Variants in PPARG observed in about 807,000 individuals in gnomAD.
The protein encoded by PPARG is peroxisome proliferator-activated receptor gamma.
PPARG carries 17 observed loss-of-function variants against 39.2 expected under a neutral mutation model. The observed-to-expected ratio is 0.43, with a 90% CI of 0.30 to 0.65. PPARG has a LOEUF of 0.65. Ranked by LOEUF, PPARG falls within the 30% of genes least tolerant of loss-of-function variation. The probability of loss-of-function intolerance (pLI) is 0.13; values close to 1 mark genes in which losing one functional copy is unlikely to be tolerated. For missense variants in PPARG, 406 were observed against 585.9 expected, an observed-to-expected ratio of 0.69 and a Z score of 3.17; for synonymous variants, 223 against 215.7, an observed-to-expected ratio of 1.03 and a Z score of -0.30.
At chr3:12,432,046 A>G (rs2051679469) in intron 7 of PPARG, among the ~76,000 whole-genome samples, 1 of 152,250 alleles carries the variant, frequency 6.6e-6, no homozygotes, top group South Asian at 2.1e-4. Flanking sequence ...TTACCATATA[A>G]GTAGTAGAAA....
chr3:12,411,988 A>AT (rs1428746814), intron 6 of PPARG, among the ~76,000 whole-genome samples: 3 of 152,116 alleles, frequency 2.0e-5, no homozygotes, highest in African/African-American at 7.2e-5. Context: ...TGAGGCACAC[A>AT]TTTTTCCAAG....
chr3:12,303,082 T>G (rs113290377), intron 1 of PPARG, among the ~76,000 whole-genome samples: 49 of 152,176 alleles, frequency 3.2e-4, no homozygotes, highest in Non-Finnish European at 3.4e-4. Context: ...GATTTTGCAT[T>G]TCATAGCAAT....
rs546986746 is a variant in PPARG, at chr3:12,354,694, A to T, written c.-8-25010A>T. Among the ~76,000 whole-genome samples the T allele has an allele frequency of 6.7e-5, 10 of 150,280 alleles. No homozygotes were observed. In the East Asian group the frequency reaches 1.8e-3, roughly 27 times the overall value. On this transcript the variant is annotated intron_variant, in intron 2 of 7. Coordinates refer to ENST00000651735, the MANE Select transcript of PPARG (RefSeq NM_138711.6). ...CGTGAACCCAGGAGGCAGAGGTTGC[A>T]GTGAGGCTGAGATTGCGCCACTGCA...
chr3:12,351,806 CT>C, intron 2 of PPARG: 2 of 745,176 alleles, frequency 2.7e-6, no homozygotes, highest in South Asian at 3.0e-5. Context: ...TATTTTAATG[CT>C]TAGCTCGTTG....
chr3:12,391,735 A>G (rs2050084748), intron 4 of PPARG, among the ~76,000 whole-genome samples: 1 of 152,206 alleles, frequency 6.6e-6, no homozygotes, highest in African/African-American at 2.4e-5. Flanking sequence ...AGAAAGTCAA[A>G]ATGCATGTCA....
chr3:12,341,894 C>G (rs2048193660), intron 2 of PPARG, among the ~76,000 whole-genome samples: 1 of 151,976 alleles, frequency 6.6e-6, no homozygotes, highest in Admixed American at 6.5e-5. Context: ...AGTATTGATT[C>G]AGGAAAAGAT....
chr3:12,342,626 A>G (rs886830354), intron 2 of PPARG, among the ~76,000 whole-genome samples: 12 of 152,226 alleles, frequency 7.9e-5, no homozygotes, highest in African/African-American at 2.2e-4. Flanking sequence ...ATGTATCTGT[A>G]TATACATATG....
At chr3:12,432,400 TCTTTA>T (rs1358098658) in intron 7 of PPARG, among the ~76,000 whole-genome samples, 1 of 152,086 alleles carries the variant, frequency 6.6e-6, no homozygotes, top group Non-Finnish European at 1.5e-5. Context: ...ATATCATAGC[TCTTTA>T]GATAGAAAAA....
intron 4 of PPARG, among the ~76,000 whole-genome samples, chr3:12,389,924 AGTGAAATGAAAT>A (rs1046249232): frequency 7.2e-5 from 11 of 152,158 alleles, no homozygotes; most frequent in African/African-American, 2.7e-4. Context: ...AAACAAAAAG[AGTGAAATGAAAT>A]ATCTATTGGT....
chr3:12,392,896 T>C (rs2050130942), intron 5 of PPARG, 144 bp downstream of exon 5: 3 of 1,075,320 alleles, frequency 2.8e-6, no homozygotes, highest in Non-Finnish European at 4.1e-6. Context: ...AAAACATTTC[T>C]CTTTTAGGTC....
chr3:12,330,032 A>T (rs992551452), intron 2 of PPARG, among the ~76,000 whole-genome samples: 2 of 152,112 alleles, frequency 1.3e-5, no homozygotes, highest in African/African-American at 4.8e-5. Flanking sequence ...GTGTTTCTCC[A>T]TTCATCTACT....
intron 6 of PPARG, among the ~76,000 whole-genome samples, chr3:12,413,922 A>G (rs944344457): frequency 3.3e-5 from 5 of 152,154 alleles, no homozygotes; most frequent in Admixed American, 2.0e-4. Flanking sequence ...ACCAACATCA[A>G]TTGCCAAGGG....
chr3:12,380,681 T>C (rs1272988057), intron 3 of PPARG, among the ~76,000 whole-genome samples: 2 of 152,204 alleles, frequency 1.3e-5, no homozygotes, highest in African/African-American at 4.8e-5. Flanking sequence ...TATTTATCTA[T>C]GCGGTTTTCA....
chr3:12,398,742 G>A (rs2050356700), intron 5 of PPARG, among the ~76,000 whole-genome samples: 1 of 152,186 alleles, frequency 6.6e-6, no homozygotes. Context: ...ATTAAAGGCT[G>A]GGAGAATACT....
chr3:12,348,942 GA>G (rs560225760), intron 2 of PPARG, among the ~76,000 whole-genome samples: 352 of 152,220 alleles, frequency 2.3e-3, no homozygotes, highest in Non-Finnish European at 3.8e-3. Context: ...GACACTGGGG[GA>G]ATCTTAAGGC....
chr3:12,346,087 AT>A (rs1432558389), intron 2 of PPARG, among the ~76,000 whole-genome samples: 1 of 152,198 alleles, frequency 6.6e-6, no homozygotes, highest in Non-Finnish European at 1.5e-5. Context: ...AGTTACAGTA[AT>A]TTCAAAAGTG....
intron 2 of PPARG, among the ~76,000 whole-genome samples, chr3:12,359,798 C>A (rs1293555909): frequency 6.6e-6 from 1 of 151,648 alleles, no homozygotes; most frequent in Non-Finnish European, 1.5e-5. Context: ...CCTCAGCCTC[C>A]CGAGTAACTG....
At chr3:12,393,680 A>AT (rs2125218266) in intron 5 of PPARG, among the ~76,000 whole-genome samples, 1 of 151,950 alleles carries the variant, frequency 6.6e-6, no homozygotes, top group African/African-American at 2.4e-5. Context: ...CAGCTATCCT[A>AT]TTTTTTCTTT....
intron 2 of PPARG, among the ~76,000 whole-genome samples, chr3:12,354,519 G>A (rs1410872760): frequency 1.3e-5 from 2 of 152,024 alleles, no homozygotes; most frequent in Non-Finnish European, 2.9e-5. Context: ...GCCGAGGCGG[G>A]CAGATCACGA....
Sources: allele counts gnomAD v4.1 joint callset (sites outside exome capture counted in the v4.1 genomes callset), GRCh38; gene constraint gnomAD v4.1.1; transcripts MANE v1.5; gene names NCBI Gene and HGNC (gene_info 2026-07-23, HGNC 2026-07-21).